Variants in RORA observed in about 807,000 individuals in gnomAD.
RORA encodes RAR related orphan receptor A, also known as nuclear receptor ROR-alpha.
A neutral mutation model predicts 69.5 loss-of-function variants in RORA; 7 were observed. That is an observed-to-expected ratio of 0.10 (90% CI 0.06 to 0.19). RORA has a LOEUF of 0.19. Among genes scored for constraint, RORA ranks in the 10% least tolerant of loss-of-function variants. The pLI is 1.00. For missense variants in RORA, 457 were observed against 663.0 expected (o/e 0.69, Z 3.41); for synonymous variants, 261 against 240.8 (o/e 1.08, Z -0.78).
intron 1 of RORA, among the ~76,000 whole-genome samples, chr15:60,796,964 T>C (rs1240774163): frequency 1.3e-5 from 2 of 150,390 alleles, no homozygotes; most frequent in African/African-American, 2.4e-5. Flanking sequence ...ATTATTCCAT[T>C]TATACAAATA....
chr15:60,853,179 G>T (rs1293571825), intron 1 of RORA, among the ~76,000 whole-genome samples: 1 of 152,130 alleles, frequency 6.6e-6, no homozygotes, highest in South Asian at 2.1e-4. Flanking sequence ...AAAGCAAAAT[G>T]AATGTCACAG....
chr15:60,531,498 C>T lies in RORA; in HGVS notation c.282+268G>A. The T allele has an allele frequency of 2.8e-6, 1 of 360,218 alleles. No homozygotes were observed. Among genetic ancestry groups the T allele is most frequent in the Admixed American group, 5.1e-5 (1 of 19,780 alleles). 22.3% of individuals were successfully genotyped at this position (360,218 alleles called of 1,614,324 possible). A position where few individuals can be genotyped will look rare whatever the true frequency, so the allele number is the denominator to read the frequency against. ...TTAAAAAAGATTGCCACAGAGATTGCTCATGAGTTCAACTCTGGGGTTGAA... is the reference window on the plus strand; with the variant it reads ...TTAAAAAAGATTGCCACAGAGATTGTTCATGAGTTCAACTCTGGGGTTGAA... On this transcript the variant is annotated intron_variant, in intron 3 of 10. Coordinates refer to ENST00000335670, the MANE Select transcript of RORA (RefSeq NM_134261.3). This position sits in a 1 kb window ranked among gnomAD's most constrained non-coding sequence, Gnocchi z 4.8.
intron 1 of RORA, among the ~76,000 whole-genome samples, chr15:60,947,990 A>T (rs1892950234): frequency 6.6e-6 from 1 of 152,332 alleles, no homozygotes; most frequent in Non-Finnish European, 1.5e-5. Flanking sequence ...ATAGGGGTGG[A>T]TGATGCCTTG....
At chr15:60,746,353 A>G (rs1468401136) in intron 1 of RORA, among the ~76,000 whole-genome samples, 2 of 152,052 alleles carry the variant, frequency 1.3e-5, no homozygotes, top group African/African-American at 4.8e-5. Flanking sequence ...GCCCAGTTGC[A>G]GCTTTTCAGA....
chr15:60,990,096 G>A (rs998311251), intron 1 of RORA, among the ~76,000 whole-genome samples: 1 of 152,146 alleles, frequency 6.6e-6, no homozygotes, highest in African/African-American at 2.4e-5. Flanking sequence ...TGAGATCTGA[G>A]CTTTTTGTTT....
intron 1 of RORA, among the ~76,000 whole-genome samples, chr15:61,189,429 T>A (rs2079775105): frequency 6.6e-6 from 1 of 152,118 alleles, no homozygotes; most frequent in Non-Finnish European, 1.5e-5. Flanking sequence ...CTATCTGGTT[T>A]CCCACCTCCT....
At chr15:60,898,843 A>G (rs991507309) in intron 1 of RORA, among the ~76,000 whole-genome samples, 3 of 152,190 alleles carry the variant, frequency 2.0e-5, no homozygotes, top group African/African-American at 7.2e-5. Flanking sequence ...ATGACTATGA[A>G]AAGGTTCTAT....
chr15:61,135,985 A>T (rs1025863361), intron 1 of RORA, among the ~76,000 whole-genome samples: 2 of 152,214 alleles, frequency 1.3e-5, no homozygotes, highest in African/African-American at 4.8e-5. Flanking sequence ...CAGCTCATCA[A>T]ACGTTCAAGA....
At chr15:60,974,173 C>T (rs1472167686) in intron 1 of RORA, among the ~76,000 whole-genome samples, 6 of 152,172 alleles carry the variant, frequency 3.9e-5, no homozygotes, top group Non-Finnish European at 8.8e-5. Context: ...GTGGAACCCA[C>T]GTCAAGGAGC....
intron 1 of RORA, among the ~76,000 whole-genome samples, chr15:61,060,019 GA>G (rs2078158631): frequency 7.0e-6 from 1 of 142,566 alleles, no homozygotes; most frequent in Non-Finnish European, 1.5e-5. Flanking sequence ...AGAAGAAGAA[GA>G]AGAAGAAGAA....
intron 2 of RORA, among the ~76,000 whole-genome samples, chr15:60,669,295 G>C (rs893508842): frequency 6.6e-6 from 1 of 151,808 alleles, no homozygotes. Flanking sequence ...AATCAGAAGA[G>C]CCTTCTCTTT....
chr15:61,157,432 A>G (rs962308145), intron 1 of RORA, among the ~76,000 whole-genome samples: 10 of 152,198 alleles, frequency 6.6e-5, no homozygotes, highest in Non-Finnish European at 1.5e-4. Flanking sequence ...ATTTGTGTAA[A>G]CTAAGTGATA....
chr15:60,796,211 T>C (rs2072492947), intron 1 of RORA, among the ~76,000 whole-genome samples: 1 of 152,156 alleles, frequency 6.6e-6, no homozygotes, highest in Non-Finnish European at 1.5e-5. Flanking sequence ...GGTGGTATTC[T>C]AGCTCTGCTG....
At chr15:60,558,165 GGCCA>G (rs2067423576) in intron 2 of RORA, 2 of 1,223,750 alleles carry the variant, frequency 1.6e-6, no homozygotes, top group African/African-American at 3.0e-5. Flanking sequence ...CACAAGACTG[GGCCA>G]CATCTCCATG....
chr15:60,830,955 GTGTA>G (rs2073034639), intron 1 of RORA, among the ~76,000 whole-genome samples: 1 of 152,206 alleles, frequency 6.6e-6, no homozygotes, highest in African/African-American at 2.4e-5. Context: ...ACGTGTGTGT[GTGTA>G]TGTGTGTGGA....
Position 60,698,323 on chromosome 15 carries a change from T to A in RORA, c.167-19637A>T, listed in dbSNP as rs752205310. Among the ~76,000 whole-genome samples the A allele has an allele frequency of 4.1e-4, 62 of 152,330 alleles. 2 individuals are homozygous for A. The highest frequency in any genetic ancestry group is 1.6e-4 in the Non-Finnish European group (11 of 68,028). Reference sequence around the variant, plus strand: ...ACTCTGTCCTGACAATTCTTAGTAATGTCAGTGATAAAATAAATTACTGGG... The same window carrying A: ...ACTCTGTCCTGACAATTCTTAGTAAAGTCAGTGATAAAATAAATTACTGGG... On this transcript the variant is annotated intron_variant, in intron 1 of 10. Transcript: ENST00000335670.
At chr15:60,896,170 T>G (rs943131714) in intron 1 of RORA, among the ~76,000 whole-genome samples, 1 of 152,228 alleles carries the variant, frequency 6.6e-6, no homozygotes, top group Non-Finnish European at 1.5e-5. Flanking sequence ...TTAGAGACAC[T>G]CTGGAGTTTG....
intron 1 of RORA, among the ~76,000 whole-genome samples, chr15:61,053,848 G>GATAT (rs3053963): frequency 0.043 from 3,868 of 90,938 alleles, 757 homozygotes; most frequent in African/African-American, 0.15. Flanking sequence ...TAGACTTCAT[G>GATAT]ATATATATAT....
At chr15:60,777,699 C>T (rs1325109560) in intron 1 of RORA, among the ~76,000 whole-genome samples, 15 of 152,144 alleles carry the variant, frequency 9.9e-5, no homozygotes, top group Admixed American at 7.9e-4. Flanking sequence ...GAGGTGAAGT[C>T]GAAAGAGTCC....
Sources: allele counts gnomAD v4.1 joint callset (sites outside exome capture counted in the v4.1 genomes callset), GRCh38; gene constraint gnomAD v4.1.1; non-coding constraint Gnocchi (gnomAD v3.1); transcripts MANE v1.5; gene names NCBI Gene and HGNC (gene_info 2026-07-23, HGNC 2026-07-21).